Variants in PCDH15 observed in about 807,000 individuals in gnomAD.
The protein encoded by PCDH15 is protocadherin related 15.
A neutral mutation model predicts 178.5 loss-of-function variants in PCDH15; 129 were observed. That is an observed-to-expected ratio of 0.72 (90% CI 0.63 to 0.84). The LOEUF is 0.84. Ranked by LOEUF, PCDH15 falls within the 40% of genes least tolerant of loss-of-function variation. PCDH15 has a pLI of 0.00. For missense variants in PCDH15, 2,230 were observed against 2,099.9 expected (o/e 1.06, Z -1.21); for synonymous variants, 800 against 732.0 (o/e 1.09, Z -1.50).
At chr10:54,501,261 T>A (rs2080659545) in intron 3 of PCDH15, among the ~76,000 whole-genome samples, 1 of 150,018 alleles carries the variant, frequency 6.7e-6, no homozygotes, top group Admixed American at 6.6e-5. Flanking sequence ...TTCCACAAGG[T>A]ACAAGCAAGG....
intron 26 of PCDH15, among the ~76,000 whole-genome samples, chr10:53,882,508 C>T (rs368593879): frequency 5.9e-5 from 9 of 152,080 alleles, no homozygotes; most frequent in Admixed American, 1.3e-4. Context: ...ATTACAGGCA[C>T]GCGCCACCAC....
At chr10:54,883,932 A>AAG (rs1258843969) in intron 3 of PCDH15, among the ~76,000 whole-genome samples, 1 of 151,982 alleles carries the variant, frequency 6.6e-6, no homozygotes, top group Non-Finnish European at 1.5e-5. Flanking sequence ...TGTAGTCCTT[A>AAG]TTGGTGGGAA....
intron 25 of PCDH15, among the ~76,000 whole-genome samples, chr10:53,904,482 T>TTG (rs2082536181): frequency 6.6e-6 from 1 of 151,064 alleles, no homozygotes; most frequent in Non-Finnish European, 1.5e-5. Context: ...TTTTTTTTTT[T>TTG]GCTTGCCCTT....
At chr10:54,916,415 A>G (rs1452637379) in intron 2 of PCDH15, among the ~76,000 whole-genome samples, 1 of 152,208 alleles carries the variant, frequency 6.6e-6, no homozygotes, top group East Asian at 1.9e-4. Flanking sequence ...TCTAGTTCAT[A>G]TGTATTATAT....
At chr10:54,699,783 C>T (rs984414917) in intron 1 of PCDH15, among the ~76,000 whole-genome samples, 7 of 151,670 alleles carry the variant, frequency 4.6e-5, no homozygotes, top group African/African-American at 1.7e-4. Context: ...CATTATTTAG[C>T]ATCTCAGTAG....
rs1268140232 is a variant in PCDH15 at position 54,830,756 on chromosome 10, C to T, written c.-29+66694G>A. ...TAATAATAATTAAAAAAAAAGGAAACCTCATATTCCAAAAAGCAAAAAAAA... is the reference window on the plus strand; with the variant it reads ...TAATAATAATTAAAAAAAAAGGAAATCTCATATTCCAAAAAGCAAAAAAAA... On this transcript the variant is annotated intron_variant, in intron 3 of 5. Coordinates refer to the PCDH15 transcript ENST00000458638. Among the ~76,000 whole-genome samples the T allele has an allele frequency of 2.7e-5, 4 of 150,126 alleles. No homozygotes were observed. The East Asian group carries it at 5.9e-4, about 22-fold the overall frequency.
At chr10:54,860,189 T>C (rs1316328444) in intron 3 of PCDH15, among the ~76,000 whole-genome samples, 1 of 152,046 alleles carries the variant, frequency 6.6e-6, no homozygotes, top group East Asian at 1.9e-4. Context: ...ATGTGCAGAT[T>C]TGTTTCATGG....
intron 3 of PCDH15, among the ~76,000 whole-genome samples, chr10:54,474,831 T>G (rs979823597): frequency 3.9e-5 from 6 of 152,000 alleles, no homozygotes; most frequent in African/African-American, 1.4e-4. Context: ...GGTTTTTCAA[T>G]GAAACAAATT....
intron 2 of PCDH15, among the ~76,000 whole-genome samples, chr10:55,413,180 T>C (rs1312723346): frequency 6.6e-6 from 1 of 151,882 alleles, no homozygotes; most frequent in East Asian, 1.9e-4. Flanking sequence ...AAATGCCTTC[T>C]ACCAATTATT....
intron 1 of PCDH15, among the ~76,000 whole-genome samples, chr10:54,763,347 A>G (rs985346006): frequency 2.6e-5 from 4 of 152,166 alleles, no homozygotes; most frequent in African/African-American, 9.7e-5. Context: ...CACTAAGAAT[A>G]CAGATGTTAG....
At chr10:54,934,483 C>T (rs568576904) in intron 2 of PCDH15, among the ~76,000 whole-genome samples, 93 of 152,084 alleles carry the variant, frequency 6.1e-4, no homozygotes, top group South Asian at 1.7e-3. Flanking sequence ...TCATTTTATC[C>T]ATCATCACTG....
chr10:55,497,256 A>G (rs570469739), intron 2 of PCDH15, among the ~76,000 whole-genome samples: 1 of 151,776 alleles, frequency 6.6e-6, no homozygotes, highest in African/African-American at 2.4e-5. Flanking sequence ...CAGCCTCCTG[A>G]GTAGCTAGGA....
intron 8 of PCDH15, among the ~76,000 whole-genome samples, chr10:54,306,886 C>T (rs2060503880): frequency 6.7e-6 from 1 of 150,002 alleles, no homozygotes; most frequent in Non-Finnish European, 1.5e-5. Context: ...TTGTTCTCAA[C>T]CTTCAGCTCC....
At chr10:54,634,336 C>A (rs1001742644) in intron 2 of PCDH15, among the ~76,000 whole-genome samples, 2 of 152,002 alleles carry the variant, frequency 1.3e-5, no homozygotes, top group East Asian at 3.8e-4. Context: ...GTCATTATAG[C>A]AAATAACAAT....
At chr10:54,000,022 G>A (rs1340630232) in intron 20 of PCDH15, among the ~76,000 whole-genome samples, 2 of 152,138 alleles carry the variant, frequency 1.3e-5, no homozygotes, top group Non-Finnish European at 2.9e-5. Flanking sequence ...CTGGGAGAGA[G>A]CAAGGGAAAA....
chr10:54,016,243 G>A (rs928690124), intron 20 of PCDH15, among the ~76,000 whole-genome samples: 1 of 129,026 alleles, frequency 7.8e-6, no homozygotes, highest in African/African-American at 3.0e-5. Context: ...AATCAGAATT[G>A]CTATTAAAAA....
chr10:54,369,007 T>C, intron 5 of PCDH15, 113 bp downstream of exon 5: 1 of 1,221,600 alleles, frequency 8.2e-7, no homozygotes, highest in Non-Finnish European at 1.2e-6. Flanking sequence ...TTTCTTGATA[T>C]TTCTAAACAG....
At chr10:54,518,991 G>C (rs1293234506) in intron 3 of PCDH15, among the ~76,000 whole-genome samples, 2 of 152,126 alleles carry the variant, frequency 1.3e-5, no homozygotes, top group East Asian at 1.9e-4. Context: ...TGCAGAAAAG[G>C]CCTTTGACAA....
At chr10:54,168,993 C>T (rs1277275904) in intron 13 of PCDH15, among the ~76,000 whole-genome samples, 1 of 152,134 alleles carries the variant, frequency 6.6e-6, no homozygotes, top group Non-Finnish European at 1.5e-5. Context: ...AGCGGCCAGG[C>T]GTTCCTCCAG....
Sources: gnomAD v4.1 joint callset for allele counts (sites outside exome capture counted in the v4.1 genomes callset) on GRCh38, gnomAD v4.1.1 for gene constraint, MANE v1.5 for transcripts, NCBI Gene and HGNC (gene_info 2026-07-23, HGNC 2026-07-21) for gene names.